CPSF2: variants seen among roughly 807,000 people sequenced by gnomAD.
CPSF2 encodes cleavage and polyadenylation specific factor 2, also known as cleavage and polyadenylation specificity factor subunit 2.
CPSF2 carries 51 observed loss-of-function variants against 84.2 expected under a neutral mutation model. The ratio of observed to expected loss-of-function variants is 0.61; its 90% CI spans 0.48 to 0.77. The LOEUF (loss-of-function observed/expected upper bound fraction) is 0.77. Among genes scored for constraint, CPSF2 ranks in the 30% least tolerant of loss-of-function variants. The pLI, the probability that CPSF2 is intolerant of heterozygous loss-of-function variation, is 0.00. For missense variants in CPSF2, 641 were observed against 929.4 expected (o/e 0.69, Z 4.03); for synonymous variants, 286 against 311.9 (o/e 0.92, Z 0.87).
intron 5 of CPSF2, 82 bp from the exon 6 acceptor site, chr14:92,135,285 T>C (rs1595053937): frequency 1.5e-6 from 2 of 1,291,764 alleles, no homozygotes; most frequent in East Asian, 4.9e-5. Flanking sequence ...GTATTACCTA[T>C]TAAAATATTA....
intron 2 of CPSF2, among the ~76,000 whole-genome samples, chr14:92,130,395 A>G (rs2068903300): frequency 6.6e-6 from 1 of 152,226 alleles, no homozygotes; most frequent in Non-Finnish European, 1.5e-5. Flanking sequence ...TAAACTAATC[A>G]TTGTAATACA....
chr14:92,129,963 G>A (rs949020746), intron 2 of CPSF2, among the ~76,000 whole-genome samples: 3 of 152,022 alleles, frequency 2.0e-5, no homozygotes, highest in African/African-American at 7.2e-5. Flanking sequence ...GCCTAGGCTG[G>A]TCTCAAACTC....
rs2069442452 is a variant in CPSF2, at chr14:92,165,987, GAGTACTGGGATTAC to G, written c.*4246_*4259del. On this transcript the variant is annotated 3_prime_UTR_variant, in exon 16 of 16. Coordinates refer to ENST00000298875, the MANE Select transcript of CPSF2 (RefSeq NM_017437.3). Reference sequence around the variant, plus strand: ...AGGGATTCTCCTGCCTCAGCCTCCTGAGTACTGGGATTACAGGCACCCACCACCATGCCTGGCTA... The same window carrying G: ...AGGGATTCTCCTGCCTCAGCCTCCTGAGGCACCCACCACCATGCCTGGCTA... The G allele has an allele frequency of 6.7e-6, 1 of 148,740 alleles. No homozygotes were observed. Among genetic ancestry groups the G allele is most frequent in the African/African-American group, 2.5e-5 (1 of 40,114 alleles). 9.2% of individuals were successfully genotyped at this position (148,740 alleles called of 1,614,324 possible). A position where few individuals can be genotyped will look rare whatever the true frequency, so the allele number is the denominator to read the frequency against.
At chr14:92,127,954 G>A (rs944479228) in intron 2 of CPSF2, among the ~76,000 whole-genome samples, 2 of 152,202 alleles carry the variant, frequency 1.3e-5, no homozygotes, top group Non-Finnish European at 2.9e-5. Context: ...GGTGATCTTT[G>A]AACAAAGAGG....
In CPSF2 at chr14:92,138,207, T is replaced by C. The variant is rs781427447; in HGVS notation, c.546-25T>C. The C allele has an allele frequency of 7.6e-6, 9 of 1,189,036 alleles. No individual in the cohort carries two copies. The South Asian group carries it at 1.1e-4, about 14-fold the overall frequency. 73.7% of individuals were successfully genotyped at this position (1,189,036 alleles called of 1,614,324 possible). A position where few individuals can be genotyped will look rare whatever the true frequency, so the allele number is the denominator to read the frequency against. On this transcript the variant is annotated intron_variant, in intron 6 of 15. Transcript: ENST00000298875. ...TGTTTACTTGAAATGATATAAAATATTCCTCTTCTTAAACTTTCTTATAGC... is the reference window on the plus strand; with the variant it reads ...TGTTTACTTGAAATGATATAAAATACTCCTCTTCTTAAACTTTCTTATAGC...
chr14:92,158,853 G>A, intron 13 of CPSF2, 130 bp from the exon 14 acceptor site: 1 of 770,032 alleles, frequency 1.3e-6, no homozygotes, highest in Non-Finnish European at 2.0e-6. Flanking sequence ...GTCATTGTGG[G>A]ACTCAGATGA....
At position 92,161,707 on chromosome 14, in the gene CPSF2, T is replaced by A. The variant is rs2069374755; in HGVS notation, c.2312T>A (p.Ile771Lys). The part of the protein sequence containing the change: ...EGCLCQDFYR[I>K]RDLLYEQYAI... ...TGCCTTTGTCAAGATTTTTATAGGA[T>A]AAGAGACCTTTTATATGAACAATAT... Residue 771 changes from isoleucine to lysine, a missense_variant, in exon 16 of 16, where the codon ATA becomes AAA. By Grantham distance (102) the Ile-to-Lys change is moderately radical (BLOSUM62 -3). Transcript: ENST00000298875. The A allele has an allele frequency of 5.0e-6, 8 of 1,596,082 alleles. No homozygotes were observed. The highest frequency in any genetic ancestry group is 6.8e-6 in the Non-Finnish European group (8 of 1,173,442).
Position 92,165,148 on chromosome 14 carries a change from C to T in CPSF2, c.*3404C>T, listed in dbSNP as rs1595071727. Reference sequence around the variant, plus strand: ...ATATTATTCCACCGAATGGATATACCACATTTTACTTATCCATTCAACCGT... The same window carrying T: ...ATATTATTCCACCGAATGGATATACTACATTTTACTTATCCATTCAACCGT... On this transcript the variant is annotated 3_prime_UTR_variant, in exon 16 of 16. Coordinates refer to ENST00000298875, the MANE Select transcript of CPSF2 (RefSeq NM_017437.3). The T allele has an allele frequency of 6.6e-6, 1 of 151,990 alleles. No individual in the cohort carries two copies. The highest frequency in any genetic ancestry group is 2.4e-5 in the African/African-American group (1 of 41,368). 9.4% of individuals were successfully genotyped at this position (151,990 alleles called of 1,614,324 possible). A position where few individuals can be genotyped will look rare whatever the true frequency, so the allele number is the denominator to read the frequency against.
chr14:92,144,285 T>G (rs1250365419), intron 9 of CPSF2, among the ~76,000 whole-genome samples: 1 of 152,240 alleles, frequency 6.6e-6, no homozygotes, highest in Non-Finnish European at 1.5e-5. Context: ...TCTCAGTTAC[T>G]TGGCACCTTA....
At chr14:92,148,959 G>C (rs191204408) in intron 9 of CPSF2, among the ~76,000 whole-genome samples, 1 of 152,088 alleles carries the variant, frequency 6.6e-6, no homozygotes, top group Non-Finnish European at 1.5e-5. Flanking sequence ...AATGTTTTTG[G>C]ATAAATAAAT....
chr14:92,154,497 A>G (rs1029040018), intron 10 of CPSF2, 39 bp downstream of exon 10: 12 of 1,370,634 alleles, frequency 8.8e-6, no homozygotes, highest in Non-Finnish European at 1.2e-5. Context: ...TTATGGATGC[A>G]ATTTGAGAAG....
intron 3 of CPSF2, among the ~76,000 whole-genome samples, chr14:92,132,262 G>A (rs1010158567): frequency 6.6e-6 from 1 of 151,736 alleles, no homozygotes; most frequent in African/African-American, 2.4e-5. Flanking sequence ...AGCCTCCCAA[G>A]TAGCTGAGAT....
chr14:92,140,423 G>A (rs946761806), intron 7 of CPSF2, among the ~76,000 whole-genome samples: 3 of 146,440 alleles, frequency 2.0e-5, no homozygotes, highest in Non-Finnish European at 4.5e-5. Flanking sequence ...AACATAGTGA[G>A]ACCCCCATCT....
chr14:92,142,319 A>G lies in CPSF2; in HGVS notation c.817A>G (p.Ser273Gly), dbSNP rs760079499. 6.2e-7 allele frequency: 1 copy of G among 1,613,376 alleles called. No individual in the cohort carries two copies. Among genetic ancestry groups the G allele is most frequent in the South Asian group, 1.1e-5 (1 of 90,994 alleles). The change falls in exon 8 of 16, where the codon AGT becomes GGT. Residue 273 changes from serine (S) to glycine (G), a missense_variant. Physicochemically the swap from Ser to Gly is moderately conservative, Grantham distance 56. Around this residue, in one of 2 missense-constraint regions of CPSF2, gnomAD observed 211 missense variants for 375.7 expected, o/e 0.56. Transcript: ENST00000298875. ...VYSLALLNNV[S>G]YNVVEFSKSQ... ...CTCATTGGCACTCCTAAATAATGTC[A>G]GTTACAATGTGGTGGAGTTTTCTAA...
At chr14:92,130,460 GGATGA>G (rs1292255196) in intron 2 of CPSF2, among the ~76,000 whole-genome samples, 1 of 152,196 alleles carries the variant, frequency 6.6e-6, no homozygotes, top group Non-Finnish European at 1.5e-5. Flanking sequence ...TCACCTTGAA[GGATGA>G]GTTCATTAAT....
chr14:92,170,203 T>C lies in CPSF2; in HGVS notation c.*8459T>C, dbSNP rs542990662. On this transcript the variant is annotated 3_prime_UTR_variant, in exon 16 of 16. Coordinates refer to ENST00000298875, the MANE Select transcript of CPSF2 (RefSeq NM_017437.3). Reference sequence around the variant, plus strand: ...ACTACTTGTCTTATTTGTTAACTATTTTGAAATAATTTTAAACTTACAGAA... The same window carrying C: ...ACTACTTGTCTTATTTGTTAACTATCTTGAAATAATTTTAAACTTACAGAA... 6.6e-6 allele frequency: 1 copy of C among 152,304 alleles called. No homozygotes were observed. The highest frequency in any genetic ancestry group is 1.5e-5 in the Non-Finnish European group (1 of 68,030). The allele number at this position is 152,304 out of a possible 1,614,324, so 9.4% of individuals were successfully genotyped here. A position where few individuals can be genotyped will look rare whatever the true frequency, so the allele number is the denominator to read the frequency against.
Position 92,159,258 on chromosome 14 carries a change from T to G in CPSF2, c.2097T>G (p.Thr699=), listed in dbSNP as rs749849793. Residue 699 remains threonine, a synonymous_variant, in exon 14 of 16, where the codon ACT becomes ACG. Coordinates refer to ENST00000298875, the MANE Select transcript of CPSF2 (RefSeq NM_017437.3). The part of the protein sequence containing the change: ...ETGEESEIIP[T]LEPLPPHEVP... Reference sequence around the variant, plus strand: ...GTGAAGAAAGTGAGATCATTCCTACTTTGGAACCCTTGCCACCTCATGAGG... The same window carrying G: ...GTGAAGAAAGTGAGATCATTCCTACGTTGGAACCCTTGCCACCTCATGAGG... 1.9e-5 allele frequency: 30 copies of G among 1,603,830 alleles called. No homozygotes were observed. In the South Asian group the frequency reaches 2.6e-4, roughly 14 times the overall value.
intron 9 of CPSF2, among the ~76,000 whole-genome samples, chr14:92,145,061 A>G (rs547774430): frequency 3.5e-4 from 54 of 152,240 alleles, no homozygotes; most frequent in African/African-American, 1.3e-3. Flanking sequence ...AAATCTATCG[A>G]TTTTTCAAAA....
chr14:92,161,147 A>G lies in CPSF2; in HGVS notation c.2157A>G (p.Pro719=). Residue 719 remains proline, a synonymous_variant, in exon 15 of 16, where the codon CCA becomes CCG. Coordinates refer to ENST00000298875, the MANE Select transcript of CPSF2 (RefSeq NM_017437.3). The stretch of plus-strand genomic sequence containing the variant: ...ATCAGTCAGTTTTTATGAATGAACC[A>G]AGGCTGTCAGACTTCAAGCAAGTTC... ...PGHQSVFMNE[P]RLSDFKQVLL... is the part of the protein sequence containing the mutation. 3 of 1,613,986 alleles carry G rather than the reference A, an allele frequency of 1.9e-6. No individual in the cohort carries two copies. The highest frequency in any genetic ancestry group is 1.7e-6 in the Non-Finnish European group (2 of 1,179,920).
Sources: allele counts gnomAD v4.1 joint callset (sites outside exome capture counted in the v4.1 genomes callset), GRCh38; gene constraint gnomAD v4.1.1; regional missense constraint gnomAD v4.1.1; transcripts MANE v1.5; gene names NCBI Gene and HGNC (gene_info 2026-07-23, HGNC 2026-07-21).